The following RALGAPA2 variants were observed in gnomAD, a reference collection of about 807,000 sequenced individuals.
RALGAPA2 encodes the protein Ral GTPase activating protein catalytic subunit alpha 2.
Under a neutral mutation model 230.4 loss-of-function variants are expected in RALGAPA2, and 139 were observed. The observed-to-expected ratio is 0.60, with a 90% CI of 0.53 to 0.69. The LOEUF is 0.69. Among genes scored for constraint, RALGAPA2 ranks in the 30% least tolerant of loss-of-function variants. The probability of loss-of-function intolerance (pLI) is 0.00; values close to 1 mark genes in which losing one functional copy is unlikely to be tolerated. For synonymous variants in RALGAPA2, 847 were observed against 837.8 expected (o/e 1.01, Z -0.19); for missense variants, 2,163 against 2,276.0 (o/e 0.95, Z 1.01).
chr20:20,439,868 A>C (rs558366065), intron 37 of RALGAPA2, among the ~76,000 whole-genome samples: 1 of 152,340 alleles, frequency 6.6e-6, no homozygotes, highest in Admixed American at 6.5e-5. Context: ...AATGGGATGA[A>C]GCATTTCATG....
intron 23 of RALGAPA2, among the ~76,000 whole-genome samples, chr20:20,570,277 G>A (rs560461701): frequency 1.2e-4 from 18 of 152,234 alleles, no homozygotes; most frequent in African/African-American, 4.3e-4. Flanking sequence ...AAAGCTCAAA[G>A]TAAGTATTGG....
At chr20:20,489,036 G>A (rs902713953) in intron 36 of RALGAPA2, among the ~76,000 whole-genome samples, 2 of 152,202 alleles carry the variant, frequency 1.3e-5, no homozygotes, top group Non-Finnish European at 2.9e-5. Flanking sequence ...AAAGGCCAGG[G>A]GAAGGGTGAC....
chr20:20,524,475 G>A lies in RALGAPA2; in HGVS notation c.3831C>T (p.His1277=). ...CMALPVSVLL[H]PVSTAVLEEQ... is the part of the protein sequence containing the mutation. ...CCTCTAGGACTGCTGTGGACACGGG[G>A]TGGAGAAGGACACTCACGGGCAATG... The change falls in exon 30 of 40, where the codon CAC becomes CAT. Residue 1277 remains histidine, a synonymous_variant. Transcript: ENST00000202677. 1 of 1,613,934 alleles carries A rather than the reference G, an allele frequency of 6.2e-7. No individual in the cohort carries two copies. Among genetic ancestry groups the A allele is most frequent in the African/African-American group, 1.3e-5 (1 of 75,046 alleles).
intron 3 of RALGAPA2, 60 bp downstream of exon 3, chr20:20,676,176 T>C: frequency 2.5e-6 from 3 of 1,176,664 alleles, no homozygotes; most frequent in South Asian, 3.7e-5. Flanking sequence ...AAATTAAAGA[T>C]CAAAAATACT....
rs528152359 is a variant in RALGAPA2, at chr20:20,542,147, C to T, written c.3285+4557G>A. On this transcript the variant is annotated intron_variant, in intron 24 of 39. Transcript: ENST00000202677. Reference sequence around the variant, plus strand: ...AGCAGGGAGCCAAATCGTGAGTGAACTCCCATTCACAACTGCTACGAAGAG... The same window carrying T: ...AGCAGGGAGCCAAATCGTGAGTGAATTCCCATTCACAACTGCTACGAAGAG... 1.2e-3 allele frequency among the ~76,000 whole-genome samples: 186 copies of T among 152,256 alleles called. 1 individual carries two copies. The highest frequency in any genetic ancestry group is 4.1e-3 in the African/African-American group (172 of 41,532).
chr20:20,613,528 ATC>A (rs1291987481), intron 13 of RALGAPA2, among the ~76,000 whole-genome samples: 1 of 152,114 alleles, frequency 6.6e-6, no homozygotes, highest in African/African-American at 2.4e-5. Flanking sequence ...TTATGTCACA[ATC>A]TTGCAGGCAC....
intron 36 of RALGAPA2, among the ~76,000 whole-genome samples, chr20:20,494,538 T>A (rs1016049375): frequency 1.3e-4 from 20 of 152,370 alleles, no homozygotes; most frequent in African/African-American, 4.8e-4. Flanking sequence ...GCTCTTCCCA[T>A]GATCAATACC....
intron 1 of RALGAPA2, among the ~76,000 whole-genome samples, chr20:20,692,540 C>A (rs2146925854): frequency 6.6e-6 from 1 of 152,282 alleles, no homozygotes; most frequent in South Asian, 2.1e-4. Flanking sequence ...GTTCGCAGCC[C>A]CAGAGGGAGG....
rs141588617 is a variant in RALGAPA2, at chr20:20,598,503, T to C, written c.2203+3179A>G. 3.9e-3 allele frequency among the ~76,000 whole-genome samples: 591 copies of C among 152,320 alleles called. 5 individuals carry two copies. The highest frequency in any genetic ancestry group is 6.0e-3 in the Non-Finnish European group (408 of 68,030). ...ATAGAAATTTTTCTTGACTATCTAA[T>C]TGCCATTAAGTATCTAACTACACAA... On this transcript the variant is annotated intron_variant, in intron 16 of 39. Transcript: ENST00000202677.
intron 37 of RALGAPA2, among the ~76,000 whole-genome samples, chr20:20,450,355 G>A (rs1339236145): frequency 6.6e-6 from 1 of 152,240 alleles, no homozygotes; most frequent in East Asian, 1.9e-4. Flanking sequence ...GTATCAAAAC[G>A]GGAATACTTT....
chr20:20,467,680 G>A (rs867687070), intron 37 of RALGAPA2, among the ~76,000 whole-genome samples: 1 of 152,142 alleles, frequency 6.6e-6, no homozygotes, highest in Non-Finnish European at 1.5e-5. Flanking sequence ...AGAGAAGACG[G>A]AAGTCATTCA....
intron 21 of RALGAPA2, among the ~76,000 whole-genome samples, chr20:20,572,237 A>G (rs1488014791): frequency 6.6e-6 from 1 of 152,130 alleles, no homozygotes; most frequent in African/African-American, 2.4e-5. Context: ...AATGAGTTAT[A>G]CTGAACAAAC....
chr20:20,537,602 A>G (rs1383514374), intron 24 of RALGAPA2, among the ~76,000 whole-genome samples: 3 of 146,868 alleles, frequency 2.0e-5, no homozygotes, highest in Non-Finnish European at 4.5e-5. Context: ...CCTAGGCAAC[A>G]GAGTGAGACT....
chr20:20,541,560 A>G (rs1183017040), intron 24 of RALGAPA2, among the ~76,000 whole-genome samples: 1 of 152,178 alleles, frequency 6.6e-6, no homozygotes, highest in African/African-American at 2.4e-5. Flanking sequence ...TACCACGTGG[A>G]TCCACTGGAC....
intron 37 of RALGAPA2, chr20:20,471,915 C>T (rs935303984): frequency 2.0e-5 from 3 of 152,144 alleles, no homozygotes; most frequent in African/African-American, 7.2e-5. Flanking sequence ...TAGTTTTCAT[C>T]TACCCCCAAC....
At chr20:20,683,122 C>T (rs1389188927) in intron 1 of RALGAPA2, among the ~76,000 whole-genome samples, 1 of 152,212 alleles carries the variant, frequency 6.6e-6, no homozygotes, top group Non-Finnish European at 1.5e-5. Flanking sequence ...GGCATCATTC[C>T]TCACTACCCA....
intron 38 of RALGAPA2, among the ~76,000 whole-genome samples, chr20:20,407,605 T>G (rs777325848): frequency 8.5e-5 from 13 of 152,238 alleles, no homozygotes; most frequent in Non-Finnish European, 1.9e-4. Context: ...TTGGGGCGAA[T>G]GTGTAACATA....
At chr20:20,690,545 C>T (rs1005226403) in intron 1 of RALGAPA2, among the ~76,000 whole-genome samples, 4 of 152,126 alleles carry the variant, frequency 2.6e-5, no homozygotes, top group African/African-American at 7.2e-5. Flanking sequence ...CATCACTAAT[C>T]TCACCCTAGC....
intron 1 of RALGAPA2, among the ~76,000 whole-genome samples, chr20:20,702,529 G>C (rs904332068): frequency 6.6e-6 from 1 of 152,190 alleles, no homozygotes; most frequent in Non-Finnish European, 1.5e-5. Context: ...GCCCTTCAGA[G>C]GCATCTGAAG....
Sources: allele counts gnomAD v4.1 joint callset (sites outside exome capture counted in the v4.1 genomes callset), GRCh38; gene constraint gnomAD v4.1.1; transcripts MANE v1.5; gene names NCBI Gene and HGNC (gene_info 2026-07-23, HGNC 2026-07-21).